Variants in QTGAL observed in about 807,000 individuals in gnomAD.
QTGAL encodes the protein queuosine-tRNA galactosyltransferase, also known as BGnT-like protein 1.
chr17:83,047,916 T>C, the QTGAL span, among the ~76,000 whole-genome samples: 1 of 152,130 alleles, frequency 6.6e-6, no homozygotes, highest in Non-Finnish European at 1.5e-5. Context: ...TACCAAACAA[T>C]AAAAAATTTT....
chr17:83,019,967 T>G, the QTGAL span, among the ~76,000 whole-genome samples: 1 of 152,070 alleles, frequency 6.6e-6, no homozygotes, highest in Non-Finnish European at 1.5e-5. Flanking sequence ...CTCCTGACCT[T>G]AGGTGATCCA....
At chr17:82,942,473 T>C in the QTGAL span, 1 of 1,613,860 alleles carries the variant, frequency 6.2e-7, no homozygotes, top group East Asian at 2.2e-5. Flanking sequence ...AAGCCAGTCC[T>C]GGAGCCCATA....
chr17:82,995,674 T>C, the QTGAL span, among the ~76,000 whole-genome samples: 1 of 152,178 alleles, frequency 6.6e-6, no homozygotes, highest in African/African-American at 2.4e-5. Context: ...TGAGCCACTA[T>C]GTCCGGCCAT....
chr17:82,956,617 T>C, the QTGAL span: 1 of 1,423,168 alleles, frequency 7.0e-7, no homozygotes, highest in African/African-American at 1.4e-5. This position sits in a 1 kb window ranked among gnomAD's most constrained non-coding sequence, Gnocchi z 5.7. Flanking sequence ...ACACAGTCAT[T>C]GCACAGCAGG....
At chr17:82,955,541 C>G in the QTGAL span, among the ~76,000 whole-genome samples, 1 of 152,196 alleles carries the variant, frequency 6.6e-6, no homozygotes, top group Non-Finnish European at 1.5e-5. Flanking sequence ...TGCTTTTACA[C>G]TGTTGGTGGG....
chr17:83,023,481 G>A, the QTGAL span, among the ~76,000 whole-genome samples: 6 of 152,356 alleles, frequency 3.9e-5, no homozygotes, highest in East Asian at 3.8e-4. Context: ...GGCTAAAGCC[G>A]ACAAGTCAAA....
At chr17:83,011,741 G>A in the QTGAL span, among the ~76,000 whole-genome samples, 18 of 152,184 alleles carry the variant, frequency 1.2e-4, no homozygotes, top group Admixed American at 1.1e-3. Flanking sequence ...GAGCATCAGC[G>A]AAGGCAGTGA....
chr17:82,959,667 A>G, the QTGAL span, among the ~76,000 whole-genome samples: 3 of 148,850 alleles, frequency 2.0e-5, no homozygotes, highest in African/African-American at 7.5e-5. Context: ...GGTTCACGTG[A>G]CAGGAAAGCA....
the QTGAL span, among the ~76,000 whole-genome samples, chr17:83,040,925 G>A: frequency 6.6e-6 from 1 of 152,132 alleles, no homozygotes; most frequent in Non-Finnish European, 1.5e-5. Flanking sequence ...AATTAGCTGG[G>A]TGTGGTGGAG....
At chr17:82,969,593 T>C in the QTGAL span, among the ~76,000 whole-genome samples, 87,428 of 152,134 alleles carry the variant, frequency 0.57, 25,386 homozygotes, top group Admixed American at 0.66. Flanking sequence ...GAGCCTCGCC[T>C]GAGGCCAGGA....
the QTGAL span, among the ~76,000 whole-genome samples, chr17:83,011,946 TCG>T: frequency 2.0e-5 from 3 of 150,588 alleles, no homozygotes; most frequent in Admixed American, 2.0e-4. Flanking sequence ...CACGAACTCC[TCG>T]TATCCATAAG....
chr17:83,000,342 T>C, the QTGAL span, among the ~76,000 whole-genome samples: 1 of 152,120 alleles, frequency 6.6e-6, no homozygotes, highest in African/African-American at 2.4e-5. Flanking sequence ...TCACCCAGCG[T>C]TTTAAGCACT....
chr17:82,961,345 C>T, the QTGAL span: 2 of 940,352 alleles, frequency 2.1e-6, no homozygotes, highest in Non-Finnish European at 3.1e-6. Flanking sequence ...GGGGCGGCGA[C>T]CACAACAGAC....
chr17:82,965,825 T>C, the QTGAL span: 2 of 1,403,068 alleles, frequency 1.4e-6, no homozygotes, highest in Non-Finnish European at 2.0e-6. Flanking sequence ...TTCCACAAAG[T>C]GTCACGAGAA....
the QTGAL span, among the ~76,000 whole-genome samples, chr17:83,011,831 A>G: frequency 6.6e-6 from 1 of 152,228 alleles, no homozygotes; most frequent in Admixed American, 6.5e-5. Flanking sequence ...AGACAAACTG[A>G]CCATGTGCAT....
At chr17:83,032,401 AC>A in the QTGAL span, among the ~76,000 whole-genome samples, 5 of 100,636 alleles carry the variant, frequency 5.0e-5, no homozygotes, top group African/African-American at 2.0e-4. Flanking sequence ...GAGCTGAACA[AC>A]CAGGTCAGAC....
the QTGAL span, among the ~76,000 whole-genome samples, chr17:83,013,708 G>A: frequency 1.1e-4 from 17 of 152,006 alleles, no homozygotes; most frequent in Admixed American, 3.9e-4. Flanking sequence ...ACAGCCCCGC[G>A]GGGGGAGGGC....
chr17:82,984,137 G>C, the QTGAL span, among the ~76,000 whole-genome samples: 2 of 97,562 alleles, frequency 2.0e-5, no homozygotes, highest in Non-Finnish European at 4.0e-5. Flanking sequence ...GCCACGTGAG[G>C]ACGTGGGGGA....
chr17:82,962,889 G>A, the QTGAL span, among the ~76,000 whole-genome samples: 31,492 of 147,338 alleles, frequency 0.21, 3,358 homozygotes, highest in Admixed American at 0.24. Flanking sequence ...GGGGGACGCA[G>A]AGGATCTGTC....
Sources: gnomAD v4.1 joint callset for allele counts (sites outside exome capture counted in the v4.1 genomes callset) on GRCh38, gnomAD v4.1.1 for gene constraint, Gnocchi (gnomAD v3.1) non-coding constraint, MANE v1.5 for transcripts, NCBI Gene and HGNC (gene_info 2026-07-23, HGNC 2026-07-21) for gene names.